Variants in YPEL1 observed in about 807,000 individuals in gnomAD.
YPEL1 encodes yippee like 1.
A neutral mutation model predicts 17.3 loss-of-function variants in YPEL1; 7 were observed. That is an observed-to-expected ratio of 0.40 (90% CI 0.23 to 0.76). The LOEUF (loss-of-function observed/expected upper bound fraction) is 0.76. Among genes scored for constraint, YPEL1 ranks in the 30% least tolerant of loss-of-function variants. The pLI is 0.35. For synonymous variants in YPEL1, 59 were observed against 59.6 expected, an observed-to-expected ratio of 0.99 and a Z score of 0.05; for missense variants, 91 against 155.5, an observed-to-expected ratio of 0.59 and a Z score of 2.21.
In YPEL1 at chr22:21,703,085, G is replaced by A. The variant is rs967180242; in HGVS notation, c.270+285C>T. On this transcript the variant is annotated intron_variant, in intron 4 of 4. Transcript: ENST00000339468. The surrounding 1 kb of genome is among the most constrained non-coding windows in gnomAD (Gnocchi z 6.1). ...CACACCAGGCTCTGCTCAGCGGGCC[G>A]AGGGCGGGCTGGGTGCAGAGAGCCT... 7.2e-5 allele frequency among the ~76,000 whole-genome samples: 11 copies of A among 152,224 alleles called. No homozygotes were observed. The highest frequency in any genetic ancestry group is 2.6e-4 in the African/African-American group (11 of 41,548).
rs1021821108 is a variant in YPEL1 at position 21,713,153 on chromosome 22, A to G, written c.-164-2245T>C. On this transcript the variant is annotated intron_variant, in intron 1 of 4. Transcript: ENST00000339468. ...ATGTGGAGGAATTGGAGCCTTGTGCATTGAGGGTAAAAATGTAAAATGCTG... is the reference window on the plus strand; with the variant it reads ...ATGTGGAGGAATTGGAGCCTTGTGCGTTGAGGGTAAAAATGTAAAATGCTG... 2.0e-5 allele frequency among the ~76,000 whole-genome samples: 3 copies of G among 152,290 alleles called. No individual in the cohort carries two copies. The East Asian group carries it at 5.8e-4, about 29-fold the overall frequency.
chr22:21,711,706 G>A (rs536496006), intron 1 of YPEL1, among the ~76,000 whole-genome samples: 16 of 152,290 alleles, frequency 1.1e-4, no homozygotes, highest in African/African-American at 3.6e-4. Context: ...ACCTAACACC[G>A]TATACAAATT....
chr22:21,714,797 GT>G (rs2068205290), intron 1 of YPEL1, among the ~76,000 whole-genome samples: 1 of 147,266 alleles, frequency 6.8e-6, no homozygotes, highest in African/African-American at 2.5e-5. Flanking sequence ...TGCCTGGCAG[GT>G]ATAAGGCAGC....
intron 1 of YPEL1, chr22:21,723,226 ACT>A (rs2068300937): frequency 6.6e-6 from 1 of 151,292 alleles, no homozygotes; most frequent in Non-Finnish European, 1.5e-5. Flanking sequence ...ACAGAGTCTC[ACT>A]CTGTCATCCA....
chr22:21,718,375 G>T (rs1485916465), intron 1 of YPEL1, among the ~76,000 whole-genome samples: 1 of 151,952 alleles, frequency 6.6e-6, no homozygotes, highest in Non-Finnish European at 1.5e-5. Flanking sequence ...TGAGGCAGGA[G>T]AATGGCGTGA....
At position 21,710,700 on chromosome 22, in the gene YPEL1, C is replaced by T. The variant is rs763806957; in HGVS notation, c.45G>A (p.Pro15=). ...TKSKTFQAYL[P]NCHRTYSCIH... ...TACAGCTGTACGTTCGGTGACAGTT[C>T]GGCAGATACGCTTGGAAAGTTTTGG... Residue 15 remains proline (P), a synonymous_variant, in exon 2 of 5, where the codon CCG becomes CCA. Coordinates refer to ENST00000339468, the MANE Select transcript of YPEL1 (RefSeq NM_013313.5). 146 of 1,614,092 alleles carry T rather than the reference C, an allele frequency of 9.0e-5. No individual in the cohort carries two copies. The highest frequency in any genetic ancestry group is 1.2e-4 in the Non-Finnish European group (137 of 1,180,058).
In YPEL1 at chr22:21,703,228, A is replaced by C. The variant is rs900876546; in HGVS notation, c.270+142T>G. On this transcript the variant is annotated intron_variant, in intron 4 of 4. Transcript: ENST00000339468. This position sits in a 1 kb window ranked among gnomAD's most constrained non-coding sequence, Gnocchi z 6.1. ...GAGACCATGCCTCACTGGAGTCTGG[A>C]CTTCCCACCTCGGCTGAGGAACTGG... The C allele has an allele frequency of 2.5e-5, 18 of 710,120 alleles. No homozygotes were observed. Among genetic ancestry groups the C allele is most frequent in the Non-Finnish European group, 3.9e-5 (16 of 410,028 alleles). 44.0% of individuals were successfully genotyped at this position (710,120 alleles called of 1,614,324 possible). A position where few individuals can be genotyped will look rare whatever the true frequency, so the allele number is the denominator to read the frequency against.
At chr22:21,721,446 CAG>C (rs1224782779) in intron 1 of YPEL1, among the ~76,000 whole-genome samples, 2 of 146,102 alleles carry the variant, frequency 1.4e-5, no homozygotes, top group African/African-American at 2.7e-5. Context: ...TTTTTTGAGA[CAG>C]AGTCTCGTTC....
chr22:21,704,237 C>T (rs951642973), intron 2 of YPEL1: 48 of 711,274 alleles, frequency 6.7e-5, no homozygotes, highest in African/African-American at 4.9e-4. Flanking sequence ...TTTCTCTACC[C>T]GAAAACCCAC....
chr22:21,721,304 G>A (rs975227717), intron 1 of YPEL1, among the ~76,000 whole-genome samples: 2 of 151,594 alleles, frequency 1.3e-5, no homozygotes, highest in Non-Finnish European at 2.9e-5. Flanking sequence ...ATTTTTAGTA[G>A]AGATGAGGTT....
At chr22:21,728,294 A>C (rs1601643265) in intron 1 of YPEL1, among the ~76,000 whole-genome samples, 1 of 151,616 alleles carries the variant, frequency 6.6e-6, no homozygotes, top group African/African-American at 2.4e-5. Flanking sequence ...TGCCTCTCCC[A>C]CCCCTCACTG....
At position 21,699,803 on chromosome 22, in the gene YPEL1, C is replaced by T. The variant is rs1238479249; in HGVS notation, c.*1326G>A. 1 of 152,636 alleles carries T rather than the reference C, an allele frequency of 6.6e-6. No homozygotes were observed. Among genetic ancestry groups the T allele is most frequent in the Admixed American group, 6.5e-5 (1 of 15,272 alleles). The allele number at this position is 152,636 out of a possible 1,614,324, so 9.5% of individuals were successfully genotyped here. Reference sequence around the variant, plus strand: ...GACTTTTCCTCGGTCCAGTGTGTTACTCTATAGACATGGACCAGCCACTCA... The same window carrying T: ...GACTTTTCCTCGGTCCAGTGTGTTATTCTATAGACATGGACCAGCCACTCA... On this transcript the variant is annotated 3_prime_UTR_variant, in exon 5 of 5. Coordinates refer to ENST00000339468, the MANE Select transcript of YPEL1 (RefSeq NM_013313.5).
rs1278200522 is a variant in YPEL1, at chr22:21,701,067, T to C, written c.*62A>G. ...GGCTGTCACCAGATGCTCCTACGTT[T>C]CCATTACATTCACAGTTTCTTTCAC... On this transcript the variant is annotated 3_prime_UTR_variant, in exon 5 of 5. Coordinates refer to ENST00000339468, the MANE Select transcript of YPEL1 (RefSeq NM_013313.5). The C allele has an allele frequency of 1.6e-5, 23 of 1,472,490 alleles. No homozygotes were observed. Among genetic ancestry groups the C allele is most frequent in the Non-Finnish European group, 9.5e-7 (1 of 1,053,470 alleles). 91.2% of individuals were successfully genotyped at this position (1,472,490 alleles called of 1,614,324 possible).
chr22:21,704,180 TGG>T (rs1490041106), intron 2 of YPEL1: 1 of 718,036 alleles, frequency 1.4e-6, no homozygotes, highest in African/African-American at 1.7e-5. Context: ...TTCATATGTC[TGG>T]ACAACTTTAC....
chr22:21,699,725 A>T lies in YPEL1; in HGVS notation c.*1404T>A, dbSNP rs2068045454. On this transcript the variant is annotated 3_prime_UTR_variant, in exon 5 of 5. Transcript: ENST00000339468. The stretch of plus-strand genomic sequence containing the variant: ...TCCTGTGGGTTCTGGCCTCTTTCAT[A>T]TGCAAAAATAATTCTTTTTCTTCAA... The T allele has an allele frequency of 6.5e-6, 1 of 152,754 alleles. No individual in the cohort carries two copies. The allele number at this position is 152,754 out of a possible 1,614,324, so 9.5% of individuals were successfully genotyped here.
intron 2 of YPEL1, chr22:21,710,407 C>A: frequency 1.7e-6 from 1 of 572,652 alleles, no homozygotes; most frequent in Non-Finnish European, 3.1e-6. Context: ...AGCTGCCTGG[C>A]CCTGGAAAAC....
chr22:21,701,293 C>T, intron 4 of YPEL1, 75 bp from the exon 5 acceptor site: 1 of 1,068,010 alleles, frequency 9.4e-7, no homozygotes, highest in South Asian at 1.4e-5. Context: ...TGGCAAAAAC[C>T]CCCCCCAAGT....
At chr22:21,709,642 A>G (rs2068146112) in intron 2 of YPEL1, among the ~76,000 whole-genome samples, 1 of 152,172 alleles carries the variant, frequency 6.6e-6, no homozygotes, top group Non-Finnish European at 1.5e-5. Flanking sequence ...TAAAATACCT[A>G]TTTAAAAAAA....
chr22:21,723,395 A>T (rs1269347125), intron 1 of YPEL1, among the ~76,000 whole-genome samples: 5 of 122,682 alleles, frequency 4.1e-5, no homozygotes, highest in Non-Finnish European at 5.2e-5. Flanking sequence ...ACAGAGTCTC[A>T]CTCACTCTGT....
Sources: allele counts gnomAD v4.1 joint callset (sites outside exome capture counted in the v4.1 genomes callset), GRCh38; gene constraint gnomAD v4.1.1; non-coding constraint Gnocchi (gnomAD v3.1); transcripts MANE v1.5; gene names NCBI Gene and HGNC (gene_info 2026-07-23, HGNC 2026-07-21).